SCN11A: variants seen among roughly 807,000 people sequenced by gnomAD.
The protein encoded by SCN11A is sodium voltage-gated channel alpha subunit 11, also known as sodium channel protein type 11 subunit alpha.
Under a neutral mutation model 162.2 loss-of-function variants are expected in SCN11A, and 122 were observed. The observed-to-expected ratio is 0.75, with a 90% CI of 0.65 to 0.87. The LOEUF (loss-of-function observed/expected upper bound fraction) is 0.87, where lower values mean the gene tolerates loss of function less well. SCN11A is among the 40% of genes least tolerant of loss of function. SCN11A has a pLI of 0.00. For missense variants in SCN11A, 2,015 were observed against 2,181.6 expected (o/e 0.92, Z 1.52); for synonymous variants, 758 against 751.5 (o/e 1.01, Z -0.14).
chr3:38,928,093 G>GA (rs1298825849), intron 7 of SCN11A, among the ~76,000 whole-genome samples: 1 of 152,106 alleles, frequency 6.6e-6, no homozygotes, highest in African/African-American at 2.4e-5. Context: ...AGGGAAAACT[G>GA]AATCTCCACT....
chr3:39,047,193 C>T (rs2032207088), intron 1 of SCN11A, among the ~76,000 whole-genome samples: 1 of 147,826 alleles, frequency 6.8e-6, no homozygotes, highest in Non-Finnish European at 1.5e-5. Flanking sequence ...TATCAGCCTT[C>T]CAAGTAGCTG....
Position 39,025,435 on chromosome 3 carries a change from A to G in SCN11A, c.-280+6945T>C, listed in dbSNP as rs945156219. ...AACAGCACAGGACGCGCAGCTGGTTATAGTTATTGTTACTTCTTGATTATA... is the reference window on the plus strand; with the variant it reads ...AACAGCACAGGACGCGCAGCTGGTTGTAGTTATTGTTACTTCTTGATTATA... On this transcript the variant is annotated intron_variant, in intron 2 of 29. Coordinates refer to ENST00000302328, the MANE Select transcript of SCN11A (RefSeq NM_001349253.2). Among the ~76,000 whole-genome samples, 8 of 152,222 alleles carry G rather than the reference A, an allele frequency of 5.3e-5. No homozygotes were observed. The South Asian group carries it at 8.3e-4, about 16-fold the overall frequency.
At chr3:38,907,385 C>T (rs1034588399) in intron 14 of SCN11A, among the ~76,000 whole-genome samples, 4 of 125,206 alleles carry the variant, frequency 3.2e-5, no homozygotes, top group African/African-American at 5.9e-5. Flanking sequence ...CACACACACA[C>T]ACACTTTGAT....
intron 1 of SCN11A, among the ~76,000 whole-genome samples, chr3:39,035,812 TG>T (rs942255979): frequency 3.4e-4 from 51 of 152,214 alleles, no homozygotes; most frequent in African/African-American, 1.2e-3. Flanking sequence ...GCTAATTTTT[TG>T]TATTTTTAGT....
intron 2 of SCN11A, among the ~76,000 whole-genome samples, chr3:38,964,398 T>C (rs4491835): frequency 0.69 from 104,563 of 152,104 alleles, 37,585 homozygotes; most frequent in African/African-American, 0.91. Context: ...TGCTGTATCC[T>C]GAAAACATTA....
chr3:39,016,529 T>C (rs1182258518), intron 2 of SCN11A, among the ~76,000 whole-genome samples: 1 of 152,230 alleles, frequency 6.6e-6, no homozygotes, highest in Non-Finnish European at 1.5e-5. Flanking sequence ...GTAGTAGTGA[T>C]AAATGCTTTC....
At chr3:39,003,824 T>A (rs1295556715) in intron 2 of SCN11A, among the ~76,000 whole-genome samples, 1 of 152,232 alleles carries the variant, frequency 6.6e-6, no homozygotes, top group Non-Finnish European at 1.5e-5. Context: ...CGCACATATG[T>A]CTTCTTTTGA....
At chr3:39,017,601 G>A (rs1452783251) in intron 2 of SCN11A, among the ~76,000 whole-genome samples, 1 of 151,998 alleles carries the variant, frequency 6.6e-6, no homozygotes, top group Non-Finnish European at 1.5e-5. Flanking sequence ...ATTTTTTCAA[G>A]TATTTTTTCT....
At chr3:38,973,159 G>T (rs927091079) in intron 2 of SCN11A, among the ~76,000 whole-genome samples, 1 of 152,148 alleles carries the variant, frequency 6.6e-6, no homozygotes, top group African/African-American at 2.4e-5. Context: ...TAAGTTTGAA[G>T]ACCATGTCAC....
chr3:38,893,293 A>G (rs2065531306), intron 19 of SCN11A, among the ~76,000 whole-genome samples: 1 of 152,198 alleles, frequency 6.6e-6, no homozygotes, highest in Non-Finnish European at 1.5e-5. Context: ...ATGATAAAAG[A>G]ACCAAAATAT....
intron 8 of SCN11A, among the ~76,000 whole-genome samples, chr3:38,925,871 T>C (rs1031928338): frequency 2.6e-5 from 4 of 152,240 alleles, no homozygotes; most frequent in African/African-American, 4.8e-5. Flanking sequence ...TGCCACTACA[T>C]GGTCAAGCCT....
intron 7 of SCN11A, among the ~76,000 whole-genome samples, chr3:38,931,112 C>A (rs4428122): frequency 0.53 from 80,769 of 152,118 alleles, 24,256 homozygotes; most frequent in South Asian, 0.67. Flanking sequence ...GAGTAGCAAC[C>A]CCTGCACTCA....
chr3:38,979,970 G>A (rs754051130), intron 2 of SCN11A, among the ~76,000 whole-genome samples: 9 of 152,144 alleles, frequency 5.9e-5, no homozygotes, highest in East Asian at 1.9e-4. Flanking sequence ...AGAGAAAGCC[G>A]CTTGTTGTTC....
chr3:38,964,594 T>C (rs570783796), intron 2 of SCN11A, among the ~76,000 whole-genome samples: 71 of 152,238 alleles, frequency 4.7e-4, no homozygotes, highest in African/African-American at 1.6e-3. Context: ...AGATTTAAAC[T>C]GAAGCATAGA....
At chr3:39,019,282 T>G (rs1239314379) in intron 2 of SCN11A, among the ~76,000 whole-genome samples, 1 of 152,176 alleles carries the variant, frequency 6.6e-6, no homozygotes, top group Admixed American at 6.5e-5. Flanking sequence ...CAACCACTCC[T>G]GTGACCCCAC....
intron 4 of SCN11A, among the ~76,000 whole-genome samples, chr3:38,951,630 C>T (rs537128988): frequency 4.7e-4 from 72 of 152,360 alleles, no homozygotes; most frequent in African/African-American, 1.7e-3. Flanking sequence ...CTGGTGGGGA[C>T]GTGGAGAGTC....
chr3:39,024,178 G>T (rs1020268494), intron 2 of SCN11A, among the ~76,000 whole-genome samples: 10 of 152,168 alleles, frequency 6.6e-5, no homozygotes, highest in African/African-American at 2.2e-4. Flanking sequence ...GAAGACCCAG[G>T]GACTCAGGGA....
rs146174311 is a variant in SCN11A at position 38,897,206 on chromosome 3, G to T, written c.2042C>A (p.Ala681Asp). The change falls in exon 18 of 30, where the codon GCC becomes GAC. Residue 681 changes from alanine to aspartate, a missense_variant. Ala to Asp is a moderately radical substitution (Grantham distance 126). Coordinates refer to ENST00000302328, the MANE Select transcript of SCN11A (RefSeq NM_001349253.2). ...TGTGTTCAAAGTTGGCCAGGATTTG[G>T]CTAACTTGAAGACCCTGAGCTGTAG... ...SFRVLRVFKL[A>D]KSWPTLNTLI... 1.2e-6 allele frequency: 2 copies of T among 1,610,556 alleles called. No individual in the cohort carries two copies. Among genetic ancestry groups the T allele is most frequent in the Non-Finnish European group, 1.7e-6 (2 of 1,178,276 alleles).
intron 24 of SCN11A, 80 bp downstream of exon 24, chr3:38,872,113 A>C: frequency 1.1e-6 from 1 of 884,384 alleles, no homozygotes; most frequent in Non-Finnish European, 1.9e-6. Flanking sequence ...ATTTAAGGAA[A>C]TCTCAGCCCA....
Sources: gnomAD v4.1 joint callset for allele counts (sites outside exome capture counted in the v4.1 genomes callset) on GRCh38, gnomAD v4.1.1 for gene constraint, MANE v1.5 for transcripts, NCBI Gene and HGNC (gene_info 2026-07-23, HGNC 2026-07-21) for gene names.